NCAM1: variants seen among roughly 807,000 people sequenced by gnomAD.
The protein encoded by NCAM1 is neural cell adhesion molecule 1.
In NCAM1, 14 loss-of-function variants were observed where a neutral mutation model predicts 109.8. The observed-to-expected ratio is 0.13, with a 90% CI of 0.08 to 0.20. NCAM1 has a LOEUF of 0.20. Ranked by LOEUF, NCAM1 falls within the 10% of genes least tolerant of loss-of-function variation. NCAM1 has a pLI of 1.00. For synonymous variants in NCAM1, 418 were observed against 442.9 expected, an observed-to-expected ratio of 0.94 and a Z score of 0.70; for missense variants, 774 against 1,109.9, an observed-to-expected ratio of 0.70 and a Z score of 4.30.
intron 1 of NCAM1, among the ~76,000 whole-genome samples, chr11:112,974,056 A>G (rs1363056042): frequency 1.3e-5 from 2 of 152,160 alleles, no homozygotes; most frequent in African/African-American, 4.8e-5. Context: ...GTGTATTTAA[A>G]TAATGGTTGC....
intron 14 of NCAM1, among the ~76,000 whole-genome samples, chr11:113,237,889 T>G (rs1277418812): frequency 3.0e-5 from 1 of 33,676 alleles, no homozygotes; most frequent in Non-Finnish European, 6.6e-5. Flanking sequence ...TATAGATATA[T>G]AGATATAGAT....
chr11:113,087,357 A>C (rs1555088465), intron 1 of NCAM1, among the ~76,000 whole-genome samples: 1 of 152,238 alleles, frequency 6.6e-6, no homozygotes, highest in Non-Finnish European at 1.5e-5. Context: ...AATGGAAGGA[A>C]TAAAAAGCAA....
chr11:113,168,405 C>T (rs1555105629), intron 1 of NCAM1, among the ~76,000 whole-genome samples: 2 of 152,114 alleles, frequency 1.3e-5, no homozygotes, highest in African/African-American at 4.8e-5. Flanking sequence ...GATGTCTGGT[C>T]GTGGCAGCCT....
chr11:112,986,096 T>C (rs531934122), intron 1 of NCAM1, among the ~76,000 whole-genome samples: 1 of 152,132 alleles, frequency 6.6e-6, no homozygotes, highest in African/African-American at 2.4e-5. Flanking sequence ...CTATACCTAA[T>C]TTGTTGAGAG....
At chr11:113,170,516 G>T (rs1365705515) in intron 1 of NCAM1, among the ~76,000 whole-genome samples, 2 of 152,184 alleles carry the variant, frequency 1.3e-5, no homozygotes, top group Admixed American at 1.3e-4. Flanking sequence ...GCAGGCTTAT[G>T]TCCTCACTAT....
chr11:113,147,672 T>C (rs1013880482), intron 1 of NCAM1, among the ~76,000 whole-genome samples: 12 of 152,214 alleles, frequency 7.9e-5, no homozygotes, highest in Non-Finnish European at 5.9e-5. Flanking sequence ...ACAGCTCCTC[T>C]ACAAATACGT....
chr11:113,228,498 C>T (rs1408287100), intron 9 of NCAM1, among the ~76,000 whole-genome samples: 1 of 152,120 alleles, frequency 6.6e-6, no homozygotes, highest in Admixed American at 6.6e-5. Flanking sequence ...TGAAAATGGC[C>T]ATACTGCCCA....
At chr11:113,106,611 A>G (rs918551323) in intron 1 of NCAM1, among the ~76,000 whole-genome samples, 11 of 152,216 alleles carry the variant, frequency 7.2e-5, no homozygotes, top group Admixed American at 2.0e-4. Context: ...GGCCTATAAG[A>G]TTTCTTCAGC....
At chr11:113,129,965 TATC>T (rs1555098035) in intron 1 of NCAM1, among the ~76,000 whole-genome samples, 3 of 152,182 alleles carry the variant, frequency 2.0e-5, no homozygotes, top group Non-Finnish European at 4.4e-5. Flanking sequence ...TTAATGTTAT[TATC>T]ACGTTTTTTA....
intron 9 of NCAM1, 45 bp from the exon 10 acceptor site, chr11:113,231,600 C>G (rs545153902): frequency 3.1e-6 from 5 of 1,596,222 alleles, no homozygotes; most frequent in Non-Finnish European, 4.3e-6. Context: ...GCCCTTCACC[C>G]TGCCTTGGGC....
chr11:113,044,549 G>A (rs1953195600), intron 1 of NCAM1, among the ~76,000 whole-genome samples: 1 of 151,994 alleles, frequency 6.6e-6, no homozygotes, highest in African/African-American at 2.4e-5. Context: ...TCTGGGCATG[G>A]TGGTGCAGGC....
intron 1 of NCAM1, among the ~76,000 whole-genome samples, chr11:112,961,958 TG>T (rs1950576258): frequency 6.6e-6 from 1 of 152,088 alleles, no homozygotes; most frequent in South Asian, 2.1e-4. Context: ...GGCCGGCTCC[TG>T]GGGACTCAGC....
intron 10 of NCAM1, 138 bp downstream of exon 10, chr11:113,231,933 C>A: frequency 8.0e-7 from 1 of 1,251,428 alleles, no homozygotes; most frequent in African/African-American, 1.5e-5. Context: ...TGGGCTATTT[C>A]AGAGCTCTGT....
chr11:112,972,930 A>G (rs1950921264), intron 1 of NCAM1, among the ~76,000 whole-genome samples: 1 of 152,136 alleles, frequency 6.6e-6, no homozygotes, highest in Non-Finnish European at 1.5e-5. Context: ...ATGCATCACC[A>G]CGGAAAAGAG....
intron 1 of NCAM1, among the ~76,000 whole-genome samples, chr11:112,982,958 G>A (rs1951192825): frequency 6.6e-6 from 1 of 151,902 alleles, no homozygotes; most frequent in African/African-American, 2.4e-5. Context: ...CGAAGGATAA[G>A]TCCATTTAGA....
At chr11:113,115,064 G>T (rs1555094574) in intron 1 of NCAM1, among the ~76,000 whole-genome samples, 1 of 152,132 alleles carries the variant, frequency 6.6e-6, no homozygotes, top group Admixed American at 6.5e-5. Context: ...AATAGTACCT[G>T]GGGAGGCCCC....
intron 1 of NCAM1, among the ~76,000 whole-genome samples, chr11:112,989,907 G>A (rs1267104293): frequency 2.0e-5 from 3 of 152,186 alleles, no homozygotes; most frequent in East Asian, 3.9e-4. Context: ...TATCTTCAAT[G>A]TAACCCTTTT....
At chr11:113,168,072 C>T (rs562643160) in intron 1 of NCAM1, among the ~76,000 whole-genome samples, 25 of 152,226 alleles carry the variant, frequency 1.6e-4, no homozygotes, top group African/African-American at 5.3e-4. Context: ...AATTGAATTC[C>T]GAATAGCATT....
chr11:112,976,254 T>C (rs555132594), intron 1 of NCAM1, among the ~76,000 whole-genome samples: 4 of 152,092 alleles, frequency 2.6e-5, no homozygotes, highest in African/African-American at 9.6e-5. Context: ...TATAAAAATA[T>C]ATATACAATT....
Sources: allele counts gnomAD v4.1 joint callset (sites outside exome capture counted in the v4.1 genomes callset), GRCh38; gene constraint gnomAD v4.1.1; transcripts MANE v1.5; gene names NCBI Gene and HGNC (gene_info 2026-07-23, HGNC 2026-07-21).